Variants in SAMD5 observed in about 807,000 individuals in gnomAD.
SAMD5 encodes the protein sterile alpha motif domain containing 5, also known as sterile alpha motif domain-containing protein 5.
A neutral mutation model predicts 11.3 loss-of-function variants in SAMD5; 13 were observed. That is an observed-to-expected ratio of 1.15 (90% CI 0.75 to 1.83). The LOEUF is 1.83. SAMD5 is among the 40% of genes most tolerant of loss of function. The pLI, the probability that SAMD5 is intolerant of heterozygous loss-of-function variation, is 0.00. For missense variants in SAMD5, 255 were observed against 239.1 expected, an observed-to-expected ratio of 1.07 and a Z score of -0.44; for synonymous variants, 129 against 111.3, an observed-to-expected ratio of 1.16 and a Z score of -1.00.
the SAMD5 span, among the ~76,000 whole-genome samples, chr6:147,851,404 C>A: frequency 2.0e-5 from 3 of 152,258 alleles, no homozygotes; most frequent in Admixed American, 6.5e-5. Flanking sequence ...TTAGAACATA[C>A]CCCCCTCAAA....
At chr6:147,531,102 A>G (rs1788423252) in intron 1 of SAMD5, among the ~76,000 whole-genome samples, 1 of 151,944 alleles carries the variant, frequency 6.6e-6, no homozygotes, top group South Asian at 2.1e-4. Flanking sequence ...TATATTTTTC[A>G]GTTATCCCAG....
At chr6:147,803,026 T>C in the SAMD5 span, among the ~76,000 whole-genome samples, 2 of 152,248 alleles carry the variant, frequency 1.3e-5, no homozygotes, top group African/African-American at 4.8e-5. Context: ...CATTTCACTG[T>C]ATGTAAATCA....
chr6:147,539,105 T>A (rs1481389577), intron 1 of SAMD5, among the ~76,000 whole-genome samples: 3 of 152,164 alleles, frequency 2.0e-5, no homozygotes, highest in Non-Finnish European at 4.4e-5. Flanking sequence ...AAGCAGCAAG[T>A]AAGCAGCTGA....
chr6:147,574,521 C>G (rs2128445670), downstream of SAMD5, among the ~76,000 whole-genome samples: 1 of 152,270 alleles, frequency 6.6e-6, no homozygotes, highest in South Asian at 2.1e-4. Context: ...AGAGGGAGTG[C>G]TTGAGGGTTG....
the SAMD5 span, among the ~76,000 whole-genome samples, chr6:147,790,513 G>A: frequency 4.6e-5 from 7 of 152,206 alleles, no homozygotes; most frequent in African/African-American, 1.7e-4. Context: ...GTGTATGATT[G>A]CAAAGTTGAC....
chr6:147,835,122 A>T, the SAMD5 span, among the ~76,000 whole-genome samples: 1 of 150,976 alleles, frequency 6.6e-6, no homozygotes, highest in Non-Finnish European at 1.5e-5. Flanking sequence ...AATCACAGCT[A>T]CTCGGGAAGC....
the SAMD5 span, among the ~76,000 whole-genome samples, chr6:147,820,540 T>C: frequency 3.9e-5 from 6 of 152,204 alleles, no homozygotes; most frequent in African/African-American, 1.4e-4. Flanking sequence ...GTAATGAGGC[T>C]TTTGTGTATG....
chr6:147,865,125 A>G, the SAMD5 span, among the ~76,000 whole-genome samples: 1 of 152,320 alleles, frequency 6.6e-6, no homozygotes, highest in East Asian at 1.9e-4. Flanking sequence ...TGTTCCATGA[A>G]TCATATTCTT....
the SAMD5 span, among the ~76,000 whole-genome samples, chr6:147,795,024 A>T: frequency 1.3e-5 from 2 of 151,482 alleles, no homozygotes; most frequent in Non-Finnish European, 2.9e-5. Context: ...GGGACTCATT[A>T]AAAAAAATGA....
chr6:147,923,704 T>C, the SAMD5 span, among the ~76,000 whole-genome samples: 2 of 152,204 alleles, frequency 1.3e-5, no homozygotes, highest in African/African-American at 4.8e-5. Context: ...TCTATTTCAG[T>C]ACACGATGTG....
intron 1 of SAMD5, among the ~76,000 whole-genome samples, chr6:147,610,027 C>T (rs1215628139): frequency 6.6e-6 from 1 of 152,064 alleles, no homozygotes; most frequent in African/African-American, 2.4e-5. Flanking sequence ...AAAATAGCCA[C>T]GAACCAAGTA....
At chr6:147,746,027 C>T in the SAMD5 span, among the ~76,000 whole-genome samples, 3 of 152,190 alleles carry the variant, frequency 2.0e-5, no homozygotes, top group Non-Finnish European at 4.4e-5. Context: ...CAGGCGTGAG[C>T]CACCATATCC....
intron 1 of SAMD5, among the ~76,000 whole-genome samples, chr6:147,647,621 A>T (rs1488988529): frequency 6.6e-6 from 1 of 152,188 alleles, no homozygotes; most frequent in Non-Finnish European, 1.5e-5. Context: ...AGTTGGCCAC[A>T]GTAGGGTGTG....
At chr6:147,735,276 A>G (rs965263032) in intron 1 of SAMD5, among the ~76,000 whole-genome samples, 2 of 152,224 alleles carry the variant, frequency 1.3e-5, no homozygotes, top group Non-Finnish European at 2.9e-5. Context: ...ATTACTTGGT[A>G]TTTAGTTGTC....
chr6:147,605,344 G>T (rs1256195667), intron 1 of SAMD5, among the ~76,000 whole-genome samples: 1 of 152,174 alleles, frequency 6.6e-6, no homozygotes, highest in East Asian at 1.9e-4. Flanking sequence ...TAAACTTCTG[G>T]CCTCAAGTGA....
intron 1 of SAMD5, among the ~76,000 whole-genome samples, chr6:147,702,838 T>C (rs1230202775): frequency 1.3e-5 from 2 of 151,796 alleles, no homozygotes; most frequent in East Asian, 3.9e-4. Flanking sequence ...TGTGTGTGTG[T>C]CTGTCTGTCT....
chr6:147,953,495 C>T, the SAMD5 span: 2 of 152,168 alleles, frequency 1.3e-5, no homozygotes, highest in Non-Finnish European at 2.9e-5. Context: ...GGCTCCCAAT[C>T]TGATTCTCTT....
the SAMD5 span, among the ~76,000 whole-genome samples, chr6:147,821,323 C>T: frequency 6.6e-6 from 1 of 152,104 alleles, no homozygotes; most frequent in Non-Finnish European, 1.5e-5. Flanking sequence ...ATGGAAATAC[C>T]ATTTTGCAGT....
intron 1 of SAMD5, among the ~76,000 whole-genome samples, chr6:147,619,674 A>T (rs947732862): frequency 2.6e-5 from 4 of 152,174 alleles, no homozygotes; most frequent in Non-Finnish European, 5.9e-5. Flanking sequence ...TTGGAAACAG[A>T]CCAGTCAGGG....
Sources: allele counts gnomAD v4.1 joint callset (sites outside exome capture counted in the v4.1 genomes callset), GRCh38; gene constraint gnomAD v4.1.1; transcripts MANE v1.5; gene names NCBI Gene and HGNC (gene_info 2026-07-23, HGNC 2026-07-21).